The following ME1 variants were observed in gnomAD, a reference collection of about 807,000 sequenced individuals.
ME1 encodes NADP-dependent malic enzyme.
ME1 carries 74 observed loss-of-function variants against 66.4 expected under a neutral mutation model. The ratio of observed to expected loss-of-function variants is 1.11; its 90% confidence interval spans 0.92 to 1.35. The LOEUF is 1.35. Ranked by LOEUF, ME1 falls within the 40% of genes most tolerant of loss-of-function variation. The pLI is 0.00. For synonymous variants in ME1, 251 were observed against 235.6 expected, an observed-to-expected ratio of 1.07 and a Z score of -0.60; for missense variants, 750 against 694.1, an observed-to-expected ratio of 1.08 and a Z score of -0.90.
intron 9 of ME1, among the ~76,000 whole-genome samples, chr6:83,237,301 AAAAAGAAAGAAAGAAAAGGAAGGAAAGG>A (rs1168984505): frequency 3.2e-5 from 3 of 93,210 alleles, no homozygotes; most frequent in Admixed American, 1.1e-4. Flanking sequence ...GGAAAGAAAG[AAAAAGAAAGAAAGAAAAGGAAGGAAAGG>A]AAGGAAGGAA....
chr6:83,257,872 T>C (rs1001329841), intron 6 of ME1, among the ~76,000 whole-genome samples: 1 of 152,158 alleles, frequency 6.6e-6, no homozygotes, highest in South Asian at 2.1e-4. Context: ...TGCTGTCATA[T>C]GGTTTGCTCC....
intron 5 of ME1, among the ~76,000 whole-genome samples, chr6:83,323,355 T>G (rs1249009241): frequency 6.6e-6 from 1 of 152,106 alleles, no homozygotes; most frequent in East Asian, 1.9e-4. Flanking sequence ...AGACACAGAC[T>G]GGCAAACAGG....
At chr6:83,300,610 CTTTTTTTT>C (rs35205380) in intron 6 of ME1, among the ~76,000 whole-genome samples, 55 of 84,970 alleles carry the variant, frequency 6.5e-4, no homozygotes, top group Admixed American at 2.6e-3. Context: ...TTCTTTCTTT[CTTTTTTTT>C]TTTTTTTTTT....
intron 6 of ME1, among the ~76,000 whole-genome samples, chr6:83,314,275 A>G (rs1562478286): frequency 1.3e-5 from 2 of 152,204 alleles, no homozygotes; most frequent in African/African-American, 4.8e-5. Context: ...TAATCCAAAA[A>G]TCCAAAATCC....
chr6:83,373,739 T>G (rs1222155164), intron 3 of ME1, among the ~76,000 whole-genome samples: 4 of 152,140 alleles, frequency 2.6e-5, no homozygotes, highest in African/African-American at 9.7e-5. Flanking sequence ...CTGCATGCAC[T>G]AGCTATTTGT....
At chr6:83,357,899 T>TG (rs1768920926) in intron 3 of ME1, among the ~76,000 whole-genome samples, 1 of 62,226 alleles carries the variant, frequency 1.6e-5, no homozygotes, top group Non-Finnish European at 2.8e-5. Flanking sequence ...CTTAATAAAC[T>TG]CCCCTCTCTC....
chr6:83,265,070 T>C (rs1766965255), intron 6 of ME1, among the ~76,000 whole-genome samples: 1 of 152,144 alleles, frequency 6.6e-6, no homozygotes, highest in African/African-American at 2.4e-5. Context: ...AATTACCACC[T>C]CACCCAACCT....
At chr6:83,307,606 A>C (rs1201106264) in intron 6 of ME1, among the ~76,000 whole-genome samples, 3 of 152,124 alleles carry the variant, frequency 2.0e-5, no homozygotes, top group Non-Finnish European at 4.4e-5. Context: ...GTAAGTTATA[A>C]ATATATCCCC....
intron 1 of ME1, among the ~76,000 whole-genome samples, chr6:83,421,807 G>A (rs3798886): frequency 0.43 from 64,679 of 152,034 alleles, 14,925 homozygotes; most frequent in African/African-American, 0.59. Flanking sequence ...GTAATCCCAC[G>A]GGGATGGCAG....
rs990576353 is a variant in ME1 at position 83,386,217 on chromosome 6, T to C, written c.362+12150A>G. 8.6e-5 allele frequency among the ~76,000 whole-genome samples: 13 copies of C among 151,948 alleles called. No homozygotes were observed. The East Asian group carries it at 9.7e-4, about 11-fold the overall frequency. The stretch of plus-strand genomic sequence containing the variant: ...AATATTTAACATTAAAATGATCACT[T>C]TTCTGGAAGCATTAAAAGCTAGTTG... On this transcript the variant is annotated intron_variant, in intron 3 of 13. Coordinates refer to ENST00000369705, the MANE Select transcript of ME1 (RefSeq NM_002395.6).
chr6:83,379,241 A>C (rs1769348952), intron 3 of ME1, among the ~76,000 whole-genome samples: 1 of 152,140 alleles, frequency 6.6e-6, no homozygotes, highest in African/African-American at 2.4e-5. Flanking sequence ...TAATCTTTGC[A>C]AAAAGAAATC....
intron 7 of ME1, among the ~76,000 whole-genome samples, chr6:83,252,932 A>G (rs548432223): frequency 6.6e-5 from 10 of 152,340 alleles, no homozygotes; most frequent in Admixed American, 5.2e-4. Context: ...GAAAATTCAA[A>G]TAAGATAAAC....
intron 6 of ME1, among the ~76,000 whole-genome samples, chr6:83,282,216 C>T (rs1215821078): frequency 2.6e-5 from 4 of 152,112 alleles, no homozygotes; most frequent in African/African-American, 4.8e-5. Context: ...AAAGAATTCA[C>T]GACTAAAGCA....
intron 6 of ME1, among the ~76,000 whole-genome samples, chr6:83,277,373 A>T (rs972519605): frequency 1.3e-5 from 2 of 152,192 alleles, no homozygotes; most frequent in Non-Finnish European, 2.9e-5. Context: ...CCCCCAGTTT[A>T]ATTAGAACTA....
intron 5 of ME1, among the ~76,000 whole-genome samples, chr6:83,333,031 C>G (rs935961317): frequency 6.6e-6 from 1 of 152,100 alleles, no homozygotes; most frequent in Admixed American, 6.5e-5. Flanking sequence ...AGCAGTCAGG[C>G]AAGTGTATCT....
intron 1 of ME1, among the ~76,000 whole-genome samples, chr6:83,418,994 G>A (rs1198523517): frequency 6.6e-6 from 1 of 152,116 alleles, no homozygotes; most frequent in Non-Finnish European, 1.5e-5. Flanking sequence ...GAAAAGCTTG[G>A]CTTCTCAGGG....
In ME1 at chr6:83,352,055, A is replaced by G. The variant is rs765621797; in HGVS notation, c.438+9T>C. On this transcript the variant is annotated intron_variant, in intron 4 of 13. Coordinates refer to ENST00000369705, the MANE Select transcript of ME1 (RefSeq NM_002395.6). ...AAATTTGCTATAGTGGAAAAACATG[A>G]TAACTTACCTTGATGACATCTTCTG... is the stretch of plus-strand genomic sequence containing the variant. 6.3e-7 allele frequency: 1 copy of G among 1,579,124 alleles called. No homozygotes were observed.
rs796403771 is a variant in ME1 at position 83,216,506 on chromosome 6, C to A, written c.1540G>T (p.Ala514Ser). The A allele has an allele frequency of 3.1e-6, 5 of 1,601,106 alleles. No homozygotes were observed. The South Asian group carries it at 3.4e-5, about 11-fold the overall frequency. Residue 514 changes from alanine (A) to serine (S), a missense_variant, in exon 13 of 14, where the codon GCA becomes TCA. Ala to Ser is a moderately conservative substitution (Grantham distance 99). Transcript: ENST00000369705. The stretch of plus-strand genomic sequence containing the variant: ...AACAAGAGTGGTTTTACCTTTTCTG[C>A]AATTTTCAGAGAAACATCTCTAATG... The part of the protein sequence containing the change: ...NTIRDVSLKI[A>S]EKIVKDAYQE...
chr6:83,228,971 A>G (rs1157796819), intron 9 of ME1, 40 bp from the exon 10 acceptor site: 1 of 1,348,244 alleles, frequency 7.4e-7, no homozygotes. Context: ...AATCTGCCAA[A>G]CATGTGAGGG....
Sources: allele counts gnomAD v4.1 joint callset (sites outside exome capture counted in the v4.1 genomes callset), GRCh38; gene constraint gnomAD v4.1.1; transcripts MANE v1.5; gene names NCBI Gene and HGNC (gene_info 2026-07-23, HGNC 2026-07-21).